Variants in NTNG1 observed in about 807,000 individuals in gnomAD.
NTNG1 encodes netrin-G1.
NTNG1 carries 16 observed loss-of-function variants against 54.0 expected under a neutral mutation model. The ratio of observed to expected loss-of-function variants is 0.30; its 90% CI spans 0.20 to 0.45. The LOEUF (loss-of-function observed/expected upper bound fraction) is 0.45. Ranked by LOEUF, NTNG1 falls within the 20% of genes least tolerant of loss-of-function variation. The pLI is 1.00. For synonymous variants in NTNG1, 255 were observed against 263.1 expected, an observed-to-expected ratio of 0.97 and a Z score of 0.30; for missense variants, 530 against 678.7, an observed-to-expected ratio of 0.78 and a Z score of 2.43.
intron 2 of NTNG1, among the ~76,000 whole-genome samples, chr1:107,190,125 A>G (rs1315988607): frequency 6.6e-6 from 1 of 152,160 alleles, no homozygotes; most frequent in Non-Finnish European, 1.5e-5. Flanking sequence ...TCCTAGAGAC[A>G]GAAAGTAGAA....
intron 7 of NTNG1, among the ~76,000 whole-genome samples, chr1:107,464,669 GTGTT>G (rs1252069617): frequency 6.6e-6 from 1 of 152,116 alleles, no homozygotes; most frequent in East Asian, 1.9e-4. Context: ...GACAAGAAAA[GTGTT>G]TGTCCATGCA....
intron 1 of NTNG1, chr1:107,143,476 A>C (rs1054744579): frequency 7.2e-5 from 11 of 152,136 alleles, no homozygotes; most frequent in African/African-American, 2.7e-4. Context: ...TCTAAGTGTC[A>C]TAAAAATTTG....
intron 4 of NTNG1, 51 bp downstream of exon 4, chr1:107,395,377 G>A: frequency 6.7e-7 from 1 of 1,490,758 alleles, no homozygotes; most frequent in Non-Finnish European, 9.4e-7. Context: ...TGAGGTGATA[G>A]TTCCTCTCAA....
At position 107,265,641 on chromosome 1, in the gene NTNG1, C is replaced by T. The variant is rs12033845; in HGVS notation, c.247-58641C>T. Among the ~76,000 whole-genome samples, 53 of 152,296 alleles carry T rather than the reference C, an allele frequency of 3.5e-4. 1 individual carries two copies. In the East Asian group the frequency reaches 7.9e-3, roughly 23 times the overall value. On this transcript the variant is annotated intron_variant, in intron 2 of 7. Coordinates refer to ENST00000370068, the MANE Select transcript of NTNG1 (RefSeq NM_001113226.3). ...TTATTTTGAAATCACTTGTTTACAA[C>T]TGGCTCTAAATCAGCTTTCTGTTAA...
chr1:107,454,571 A>G (rs1271263699), intron 7 of NTNG1, among the ~76,000 whole-genome samples: 1 of 152,150 alleles, frequency 6.6e-6, no homozygotes, highest in East Asian at 1.9e-4. Context: ...ACTCTGACCA[A>G]TTCCTCAAAC....
At chr1:107,322,789 T>G (rs938644838) in intron 2 of NTNG1, among the ~76,000 whole-genome samples, 2 of 152,096 alleles carry the variant, frequency 1.3e-5, no homozygotes, top group African/African-American at 4.8e-5. Context: ...CTTGAGTGTA[T>G]TTTTAAAACA....
chr1:107,393,818 A>T (rs1229800156), intron 3 of NTNG1, among the ~76,000 whole-genome samples: 1 of 152,154 alleles, frequency 6.6e-6, no homozygotes, highest in Non-Finnish European at 1.5e-5. Context: ...TGCTATACAG[A>T]CATTAGAGAA....
intron 3 of NTNG1, among the ~76,000 whole-genome samples, chr1:107,388,529 C>T (rs557293667): frequency 0.013 from 2,010 of 152,262 alleles, 47 homozygotes; most frequent in African/African-American, 0.045. Context: ...TAGTGCAGGT[C>T]TCATGGGATT....
intron 3 of NTNG1, among the ~76,000 whole-genome samples, chr1:107,367,328 C>T (rs1034853842): frequency 6.6e-5 from 10 of 152,124 alleles, no homozygotes; most frequent in African/African-American, 2.4e-4. Flanking sequence ...TAGAAACATG[C>T]AGATTTGAAA....
chr1:107,470,712 T>A (rs199663904), intron 7 of NTNG1, among the ~76,000 whole-genome samples: 1 of 152,208 alleles, frequency 6.6e-6, no homozygotes, highest in Non-Finnish European at 1.5e-5. Flanking sequence ...ACTAGACAAG[T>A]GCATTTTCTG....
intron 3 of NTNG1, among the ~76,000 whole-genome samples, chr1:107,329,465 T>A (rs928024716): frequency 1.3e-5 from 2 of 152,202 alleles, no homozygotes; most frequent in African/African-American, 4.8e-5. Context: ...GTGCGAAAGA[T>A]GTGATGTCAG....
chr1:107,319,650 A>T (rs1667532354), intron 2 of NTNG1, among the ~76,000 whole-genome samples: 1 of 152,060 alleles, frequency 6.6e-6, no homozygotes. Context: ...TTCTTTTTTC[A>T]TGATTCGTTT....
chr1:107,173,975 A>C (rs758450283), intron 2 of NTNG1, among the ~76,000 whole-genome samples: 11 of 152,246 alleles, frequency 7.2e-5, no homozygotes, highest in Non-Finnish European at 8.8e-5. Context: ...GTTTAGGATT[A>C]ATGTGGCATA....
chr1:107,376,376 C>G (rs903108929), intron 3 of NTNG1, among the ~76,000 whole-genome samples: 21 of 151,112 alleles, frequency 1.4e-4, no homozygotes, highest in Admixed American at 1.4e-3. Context: ...CCACTGCACT[C>G]CAGCCTGGGT....
At chr1:107,419,228 A>C (rs911823507) in intron 5 of NTNG1, among the ~76,000 whole-genome samples, 22 of 134,052 alleles carry the variant, frequency 1.6e-4, no homozygotes, top group South Asian at 2.6e-4. Flanking sequence ...TCTCCCCGCT[A>C]CCTCCTCCCT....
intron 2 of NTNG1, among the ~76,000 whole-genome samples, chr1:107,311,853 A>C (rs1378847908): frequency 6.6e-6 from 1 of 152,192 alleles, no homozygotes; most frequent in African/African-American, 2.4e-5. Flanking sequence ...GCATATATAC[A>C]CACTCATAGG....
At chr1:107,464,464 A>G (rs1677474505) in intron 7 of NTNG1, among the ~76,000 whole-genome samples, 1 of 152,152 alleles carries the variant, frequency 6.6e-6, no homozygotes, top group South Asian at 2.1e-4. Flanking sequence ...TCAGACATAT[A>G]TGAAGGGGCT....
At chr1:107,352,355 C>T (rs1003677540) in intron 3 of NTNG1, among the ~76,000 whole-genome samples, 13 of 151,868 alleles carry the variant, frequency 8.6e-5, no homozygotes, top group African/African-American at 3.1e-4. Flanking sequence ...CATATATCCT[C>T]TGAAATCTAG....
intron 3 of NTNG1, among the ~76,000 whole-genome samples, chr1:107,362,279 T>C (rs545074980): frequency 1.4e-4 from 21 of 152,294 alleles, no homozygotes; most frequent in East Asian, 1.2e-3. Flanking sequence ...ATAACTAAAA[T>C]GGTGGAAATT....
Sources: gnomAD v4.1 joint callset for allele counts (sites outside exome capture counted in the v4.1 genomes callset) on GRCh38, gnomAD v4.1.1 for gene constraint, MANE v1.5 for transcripts, NCBI Gene and HGNC (gene_info 2026-07-23, HGNC 2026-07-21) for gene names.